Variants in PCDHA11 observed in about 807,000 individuals in gnomAD.
The protein encoded by PCDHA11 is protocadherin alpha-11.
A neutral mutation model predicts 70.3 loss-of-function variants in PCDHA11; 61 were observed. The ratio of observed to expected loss-of-function variants is 0.87; its 90% confidence interval spans 0.71 to 1.07. The LOEUF (loss-of-function observed/expected upper bound fraction) is 1.07, where lower values mean the gene tolerates loss of function less well. Ranked by LOEUF, PCDHA11 falls within the 50% of genes least tolerant of loss-of-function variation. The pLI is 0.00. For missense variants in PCDHA11, 1,324 were observed against 1,237.5 expected, an observed-to-expected ratio of 1.07 and a Z score of -1.05; for synonymous variants, 633 against 555.1, an observed-to-expected ratio of 1.14 and a Z score of -1.97.
intron 1 of PCDHA11, chr5:140,884,342 G>T (rs782616190): frequency 6.2e-7 from 1 of 1,613,902 alleles, no homozygotes; most frequent in Admixed American, 1.7e-5. Flanking sequence ...TCCAGAAGCG[G>T]CGCTGGTGGA....
At chr5:140,875,538 A>C in intron 1 of PCDHA11, 17 of 1,614,126 alleles carry the variant, frequency 1.1e-5, no homozygotes, top group Non-Finnish European at 1.4e-5. Context: ...TGCTCCTTGC[A>C]GCCTGGGAGG....
intron 3 of PCDHA11, among the ~76,000 whole-genome samples, chr5:141,005,731 A>AC (rs2098235322): frequency 6.7e-6 from 1 of 149,106 alleles, no homozygotes; most frequent in Non-Finnish European, 1.5e-5. Flanking sequence ...AAAAAAAAAA[A>AC]GAATGGATGA....
At chr5:140,921,777 C>G (rs1434211783) in intron 1 of PCDHA11, among the ~76,000 whole-genome samples, 1 of 152,030 alleles carries the variant, frequency 6.6e-6, no homozygotes, top group Non-Finnish European at 1.5e-5. Flanking sequence ...TCAATACTGA[C>G]TTGGATGTTC....
chr5:140,895,523 C>T (rs2065044928), intron 1 of PCDHA11, among the ~76,000 whole-genome samples: 1 of 152,068 alleles, frequency 6.6e-6, no homozygotes, highest in South Asian at 2.1e-4. Flanking sequence ...TTGGTTTATT[C>T]GTTTTTCAAT....
chr5:140,996,365 T>C (rs1017086317), intron 3 of PCDHA11, among the ~76,000 whole-genome samples: 4 of 152,196 alleles, frequency 2.6e-5, no homozygotes, highest in African/African-American at 9.7e-5. Context: ...GAAGCCATTT[T>C]GTTGTCGGCT....
Position 140,972,810 on chromosome 5 carries a change from C to T in PCDHA11, c.2392-6139C>T, listed in dbSNP as rs546110006. 7.2e-5 allele frequency among the ~76,000 whole-genome samples: 11 copies of T among 151,984 alleles called. No homozygotes were observed. In the East Asian group the frequency reaches 9.7e-4, roughly 13 times the overall value. On this transcript the variant is annotated intron_variant, in intron 1 of 3. Transcript: ENST00000398640. ...TCCTGAGTAGCTGAGATTACAGGCA[C>T]GCGCCACCACGCCTGGCTAATTTTT...
At chr5:140,969,284 G>T (rs782449740) in intron 1 of PCDHA11, 1 of 1,614,216 alleles carries the variant, frequency 6.2e-7, no homozygotes, top group Non-Finnish European at 8.5e-7. Flanking sequence ...TGGTCAGAAT[G>T]CTGGGAACCT....
In PCDHA11 at chr5:140,958,926, C is replaced by T. The variant is rs2095452227; in HGVS notation, c.2392-20023C>T. Among the ~76,000 whole-genome samples the T allele has an allele frequency of 2.1e-5, 3 of 143,506 alleles. No individual in the cohort carries two copies. The Admixed American group carries it at 2.1e-4, about 10-fold the overall frequency. The allele number at this position is 143,506 out of a possible 152,430, so 94.1% of individuals were successfully genotyped here. A position where few individuals can be genotyped will look rare whatever the true frequency, so the allele number is the denominator to read the frequency against. Reference sequence around the variant, plus strand: ...AGAAAAGTCTGCCTGGGTGTGGTGGCTCATACTTGTAATAATATTATATTA... The same window carrying T: ...AGAAAAGTCTGCCTGGGTGTGGTGGTTCATACTTGTAATAATATTATATTA... On this transcript the variant is annotated intron_variant, in intron 1 of 3. Transcript: ENST00000398640.
intron 1 of PCDHA11, among the ~76,000 whole-genome samples, chr5:140,906,294 T>C (rs1554192469): frequency 1.3e-5 from 2 of 152,278 alleles, no homozygotes; most frequent in East Asian, 3.9e-4. Flanking sequence ...AAGACAATAA[T>C]AAGGTCATAA....
At chr5:140,970,565 T>C (rs1346006828) in intron 1 of PCDHA11, among the ~76,000 whole-genome samples, 2 of 152,182 alleles carry the variant, frequency 1.3e-5, no homozygotes, top group Non-Finnish European at 2.9e-5. Flanking sequence ...TCTCCATATG[T>C]ATGCTTGAAA....
intron 2 of PCDHA11, among the ~76,000 whole-genome samples, chr5:140,979,752 G>A (rs1048851264): frequency 4.6e-5 from 7 of 152,138 alleles, no homozygotes; most frequent in South Asian, 2.1e-4. Context: ...CATTATTTGC[G>A]AATGTCTTTG....
chr5:140,977,543 A>G (rs905389015), intron 1 of PCDHA11, among the ~76,000 whole-genome samples: 3 of 152,224 alleles, frequency 2.0e-5, no homozygotes. Context: ...AGCAGCTTGC[A>G]TATGCATATC....
Position 140,869,525 on chromosome 5 carries a change from T to C in PCDHA11, c.422T>C (p.Leu141Pro). The change falls in exon 1 of 4, where the codon CTG becomes CCG. Residue 141 changes from leucine to proline, a missense_variant. Coordinates refer to ENST00000398640, the MANE Select transcript of PCDHA11 (RefSeq NM_018902.5). Reference sequence around the variant, plus strand: ...TTCTCGCTCAGAGAACAAAAGCTGCTGATTGCGGAATCTAAGCAATCGGAC... The same window carrying C: ...TTCTCGCTCAGAGAACAAAAGCTGCCGATTGCGGAATCTAAGCAATCGGAC... Reference protein sequence around the residue: ...PVFSLREQKLLIAESKQSDSR... With the variant: ...PVFSLREQKLPIAESKQSDSR... The C allele has an allele frequency of 1.2e-6, 2 of 1,614,200 alleles. No individual in the cohort carries two copies. The highest frequency in any genetic ancestry group is 1.7e-5 in the Admixed American group (1 of 60,030).
intron 1 of PCDHA11, among the ~76,000 whole-genome samples, chr5:140,905,229 G>A (rs2071688415): frequency 6.6e-6 from 1 of 152,156 alleles, no homozygotes; most frequent in African/African-American, 2.4e-5. Flanking sequence ...TGAGAGATGA[G>A]GATCCAGTTT....
intron 1 of PCDHA11, chr5:140,967,077 G>A (rs1483899506): frequency 1.9e-6 from 3 of 1,613,140 alleles, no homozygotes; most frequent in South Asian, 1.1e-5. Context: ...GTCAACGAGC[G>A]CATTGATCGG....
intron 1 of PCDHA11, chr5:140,882,360 T>A: frequency 6.2e-7 from 1 of 1,614,134 alleles, no homozygotes. Context: ...AGTGGCCAGC[T>A]CCACTACTCC....
At chr5:140,928,800 A>G (rs782641676) in intron 1 of PCDHA11, 6 of 1,614,098 alleles carry the variant, frequency 3.7e-6, no homozygotes, top group Non-Finnish European at 4.2e-6. Flanking sequence ...GGGTGGTGGT[A>G]GTGGTTCGGG....
intron 3 of PCDHA11, among the ~76,000 whole-genome samples, chr5:140,983,425 C>T (rs1252010683): frequency 2.0e-5 from 3 of 152,198 alleles, no homozygotes; most frequent in Non-Finnish European, 4.4e-5. Context: ...GTAGAGACCA[C>T]AAATTGTGTC....
intron 3 of PCDHA11, among the ~76,000 whole-genome samples, chr5:140,991,449 A>G (rs1405447405): frequency 6.6e-6 from 1 of 152,206 alleles, no homozygotes; most frequent in East Asian, 1.9e-4. Flanking sequence ...GCTTAAAACA[A>G]CACAATGTAT....
Sources: allele counts gnomAD v4.1 joint callset (sites outside exome capture counted in the v4.1 genomes callset), GRCh38; gene constraint gnomAD v4.1.1; transcripts MANE v1.5; gene names NCBI Gene and HGNC (gene_info 2026-07-23, HGNC 2026-07-21).